The following CNTNAP2 variants were observed in gnomAD, a reference collection of about 807,000 sequenced individuals.
CNTNAP2 encodes contactin associated protein 2, also known as contactin-associated protein-like 2.
Under a neutral mutation model 155.2 loss-of-function variants are expected in CNTNAP2, and 98 were observed. The observed-to-expected ratio is 0.63, with a 90% confidence interval of 0.54 to 0.75. The LOEUF (loss-of-function observed/expected upper bound fraction) is 0.75. CNTNAP2 is among the 30% of genes least tolerant of loss of function. The pLI is 0.00. For missense variants in CNTNAP2, 1,727 were observed against 1,688.1 expected (o/e 1.02, Z -0.40); for synonymous variants, 651 against 631.2 (o/e 1.03, Z -0.47).
chr7:148,102,145 AG>A (rs1163898688), intron 15 of CNTNAP2, among the ~76,000 whole-genome samples: 2 of 152,062 alleles, frequency 1.3e-5, no homozygotes, highest in African/African-American at 4.8e-5. Context: ...TCCACCCTCA[AG>A]TAGGCCCCTG....
chr7:147,035,373 T>C (rs1406378742), intron 3 of CNTNAP2, among the ~76,000 whole-genome samples: 1 of 152,194 alleles, frequency 6.6e-6, no homozygotes, highest in Non-Finnish European at 1.5e-5. Flanking sequence ...GGCCGCAAAA[T>C]GGAAAATCTA....
At chr7:147,275,415 T>TTGTGTG (rs140379075) in intron 8 of CNTNAP2, among the ~76,000 whole-genome samples, 39 of 148,528 alleles carry the variant, frequency 2.6e-4, no homozygotes, top group African/African-American at 7.6e-4. Context: ...TTGTGTATGT[T>TTGTGTG]TGTGTGTGTG....
chr7:146,945,902 A>T (rs931007344), intron 3 of CNTNAP2, among the ~76,000 whole-genome samples: 1 of 152,100 alleles, frequency 6.6e-6, no homozygotes, highest in East Asian at 1.9e-4. Flanking sequence ...CAATCATCAC[A>T]ACACTAAAAC....
chr7:148,407,366 A>G (rs6464884), intron 22 of CNTNAP2, among the ~76,000 whole-genome samples: 85,981 of 151,858 alleles, frequency 0.57, 24,975 homozygotes, highest in African/African-American at 0.64. Flanking sequence ...ACTGTACTAC[A>G]TGTTGGCTCT....
chr7:146,857,398 A>T (rs1268396160), intron 3 of CNTNAP2, among the ~76,000 whole-genome samples: 1 of 152,202 alleles, frequency 6.6e-6, no homozygotes, highest in African/African-American at 2.4e-5. Context: ...AGCATTAGAA[A>T]CACATTACCA....
At chr7:147,853,751 C>G (rs901215143) in intron 13 of CNTNAP2, among the ~76,000 whole-genome samples, 7 of 152,126 alleles carry the variant, frequency 4.6e-5, no homozygotes, top group African/African-American at 1.7e-4. Flanking sequence ...TAACCTTTAT[C>G]TCTTGATATT....
intron 18 of CNTNAP2, among the ~76,000 whole-genome samples, chr7:148,183,946 A>G (rs1191625899): frequency 3.3e-5 from 5 of 152,236 alleles, no homozygotes; most frequent in Non-Finnish European, 7.3e-5. Flanking sequence ...TGAAAACAGT[A>G]GGGAATTTTT....
intron 9 of CNTNAP2, among the ~76,000 whole-genome samples, chr7:147,362,349 G>C (rs1368467637): frequency 1.3e-5 from 2 of 152,120 alleles, no homozygotes; most frequent in Admixed American, 6.6e-5. Context: ...TGCCCAGGCT[G>C]GTCTCAGACT....
chr7:147,733,601 A>G (rs1163218944), intron 13 of CNTNAP2, among the ~76,000 whole-genome samples: 2 of 152,134 alleles, frequency 1.3e-5, no homozygotes. Flanking sequence ...TCTATAAATT[A>G]CCTTGGGCAA....
At chr7:146,460,832 T>TA in intron 1 of CNTNAP2, among the ~76,000 whole-genome samples, 1 of 152,134 alleles carries the variant, frequency 6.6e-6, no homozygotes, top group Non-Finnish European at 1.5e-5. Flanking sequence ...GGGCAGGGAA[T>TA]GGGGAGATAC....
At chr7:146,565,851 A>G (rs1584984085) in intron 1 of CNTNAP2, among the ~76,000 whole-genome samples, 1 of 152,264 alleles carries the variant, frequency 6.6e-6, no homozygotes, top group East Asian at 1.9e-4. Context: ...TAAGGAAAAG[A>G]TAAACTCTCA....
chr7:148,039,187 CTG>C (rs1802625036), intron 15 of CNTNAP2, among the ~76,000 whole-genome samples: 1 of 152,160 alleles, frequency 6.6e-6, no homozygotes, highest in Non-Finnish European at 1.5e-5. Context: ...AACTCTTAGT[CTG>C]AGGCTGAAGG....
chr7:147,985,094 G>A (rs1440379904), intron 15 of CNTNAP2, among the ~76,000 whole-genome samples: 6 of 149,224 alleles, frequency 4.0e-5, no homozygotes, highest in Non-Finnish European at 7.4e-5. Context: ...CAGCCTGGGT[G>A]ACAGAGCAAG....
chr7:146,177,608 G>A lies in CNTNAP2; in HGVS notation c.97+60635G>A, dbSNP rs188974706. On this transcript the variant is annotated intron_variant, in intron 1 of 23. Coordinates refer to ENST00000361727, the MANE Select transcript of CNTNAP2 (RefSeq NM_014141.6). Reference sequence around the variant, plus strand: ...TTAGTGTTTACTTCTAGTTTAGTTCGTACCGGATTTCTCTTCACATGTCAA... The same window carrying A: ...TTAGTGTTTACTTCTAGTTTAGTTCATACCGGATTTCTCTTCACATGTCAA... Among the ~76,000 whole-genome samples the A allele has an allele frequency of 3.9e-5, 6 of 152,224 alleles. No individual in the cohort carries two copies. The South Asian group carries it at 6.2e-4, about 16-fold the overall frequency.
intron 3 of CNTNAP2, among the ~76,000 whole-genome samples, chr7:146,852,864 G>A (rs190692533): frequency 1.3e-5 from 2 of 152,262 alleles, no homozygotes; most frequent in African/African-American, 2.4e-5. Context: ...TGCCCAGGGT[G>A]AAGTCGTTGT....
At chr7:146,134,163 T>C (rs1797760994) in intron 1 of CNTNAP2, among the ~76,000 whole-genome samples, 1 of 152,004 alleles carries the variant, frequency 6.6e-6, no homozygotes, top group African/African-American at 2.4e-5. Flanking sequence ...GGTATTTTAT[T>C]CTTTTTGAAG....
intron 1 of CNTNAP2, among the ~76,000 whole-genome samples, chr7:146,427,849 A>G (rs922976987): frequency 2.6e-5 from 4 of 152,154 alleles, no homozygotes; most frequent in African/African-American, 7.2e-5. Context: ...ATCACCAAGT[A>G]TTAAGCCCAG....
chr7:147,998,652 TATTAGACAATG>T (rs1315343895), intron 15 of CNTNAP2, among the ~76,000 whole-genome samples: 4 of 152,214 alleles, frequency 2.6e-5, no homozygotes, highest in South Asian at 2.1e-4. Flanking sequence ...AGCTGGAGAA[TATTAGACAATG>T]ATTAGCCAAA....
chr7:147,230,397 A>G (rs1803652893), intron 8 of CNTNAP2, among the ~76,000 whole-genome samples: 1 of 152,208 alleles, frequency 6.6e-6, no homozygotes. Flanking sequence ...AGCTGGAACT[A>G]CAGGCATGCA....
Sources: gnomAD v4.1 joint callset for allele counts (sites outside exome capture counted in the v4.1 genomes callset) on GRCh38, gnomAD v4.1.1 for gene constraint, MANE v1.5 for transcripts, NCBI Gene and HGNC (gene_info 2026-07-23, HGNC 2026-07-21) for gene names.